The following OAF variants were observed in gnomAD, a reference collection of about 807,000 sequenced individuals.
OAF encodes the protein out at first protein homolog.
In OAF, 13 loss-of-function variants were observed where a neutral mutation model predicts 22.5. That is an observed-to-expected ratio of 0.58 (90% CI 0.38 to 0.92). The LOEUF (loss-of-function observed/expected upper bound fraction) is 0.92, where lower values mean the gene tolerates loss of function less well. Among genes scored for constraint, OAF ranks in the 40% least tolerant of loss-of-function variants. The pLI is 0.00. For synonymous variants in OAF, 175 were observed against 170.5 expected (o/e 1.03, Z -0.21); for missense variants, 347 against 381.8 (o/e 0.91, Z 0.76).
At chr11:120,217,769 C>T (rs996124477) in intron 1 of OAF, among the ~76,000 whole-genome samples, 1 of 152,204 alleles carries the variant, frequency 6.6e-6, no homozygotes, top group South Asian at 2.1e-4. Context: ...AGAGGCCCTT[C>T]GCAGAACAGA....
At chr11:120,216,448 G>C (rs552585371) in intron 1 of OAF, among the ~76,000 whole-genome samples, 10 of 152,318 alleles carry the variant, frequency 6.6e-5, no homozygotes, top group African/African-American at 2.4e-4. Flanking sequence ...TTCGGGAGAG[G>C]CCCAGACTTT....
At chr11:120,226,749 G>C in intron 2 of OAF, 67 bp from the exon 3 acceptor site, 1 of 1,443,578 alleles carries the variant, frequency 6.9e-7, no homozygotes, top group African/African-American at 1.4e-5. Flanking sequence ...TGACTCTGGA[G>C]GGTCAGGGGA....
At chr11:120,227,075 G>A in intron 3 of OAF, 79 bp downstream of exon 3, 1 of 984,440 alleles carries the variant, frequency 1.0e-6, no homozygotes, top group Non-Finnish European at 1.5e-6. Context: ...GTGGAGGAGG[G>A]CAGGGGCATC....
intron 1 of OAF, among the ~76,000 whole-genome samples, chr11:120,214,979 T>G (rs919867517): frequency 6.6e-6 from 1 of 152,218 alleles, no homozygotes; most frequent in Non-Finnish European, 1.5e-5. Context: ...CTTTGAAAAT[T>G]CCCACTGCCT....
At chr11:120,226,569 A>C (rs1420433517) in intron 2 of OAF, among the ~76,000 whole-genome samples, 1 of 152,244 alleles carries the variant, frequency 6.6e-6, no homozygotes, top group Non-Finnish European at 1.5e-5. Flanking sequence ...ATCAAGCCCC[A>C]GAGGTCAGCC....
In OAF at chr11:120,211,511, G is replaced by T. The variant is rs1053914319; in HGVS notation, c.231+1G>T. 2 of 1,449,368 alleles carry T rather than the reference G, an allele frequency of 1.4e-6. No homozygotes were observed. The highest frequency in any genetic ancestry group is 1.8e-6 in the Non-Finnish European group (2 of 1,092,584). 89.8% of individuals were successfully genotyped at this position (1,449,368 alleles called of 1,614,324 possible). A position where few individuals can be genotyped will look rare whatever the true frequency, so the allele number is the denominator to read the frequency against. On this transcript the variant is annotated splice_donor_variant, in intron 1 of 3. Transcript: ENST00000328965. LOFTEE classifies it high-confidence loss of function. ...CTCCTTCACCGCCGACTTCAAGAAG[G>T]TGAGGCGCCCTCACTCGCCGGGGTG...
intron 1 of OAF, among the ~76,000 whole-genome samples, chr11:120,212,468 A>T (rs1460668480): frequency 6.6e-6 from 1 of 151,976 alleles, no homozygotes; most frequent in Non-Finnish European, 1.5e-5. Context: ...AGGGTGGGTA[A>T]GTCTTAGGTA....
intron 1 of OAF, among the ~76,000 whole-genome samples, chr11:120,220,666 C>G (rs1396503525): frequency 1.3e-5 from 2 of 152,178 alleles, no homozygotes; most frequent in Non-Finnish European, 2.9e-5. Flanking sequence ...CGTTTGTGAG[C>G]TGTGCCCTGC....
intron 1 of OAF, among the ~76,000 whole-genome samples, chr11:120,223,210 AAGG>A (rs547782309): frequency 1.5e-3 from 225 of 152,310 alleles, no homozygotes; most frequent in South Asian, 0.012. Context: ...GCTGAGCATC[AAGG>A]AGATGAGACT....
At chr11:120,225,827 GTCCTGACCCGCAGCAGACCCGGCCCAGA>G (rs1205656238) in intron 2 of OAF, 32 bp downstream of exon 2, 1 of 1,577,178 alleles carries the variant, frequency 6.3e-7, no homozygotes, top group South Asian at 1.1e-5. Flanking sequence ...CCTGGCCCAG[GTCCTGACCCGCAGCAGACCCGGCCCAGA>G]TCCCATCCCG....
At chr11:120,214,126 C>T (rs1938183214) in intron 1 of OAF, among the ~76,000 whole-genome samples, 1 of 152,184 alleles carries the variant, frequency 6.6e-6, no homozygotes, top group African/African-American at 2.4e-5. Flanking sequence ...TTGGGAAGAG[C>T]CTTGTTTGCC....
rs568545687 is a variant in OAF, at chr11:120,220,660, T to C, written c.232-5001T>C. Among the ~76,000 whole-genome samples the C allele has an allele frequency of 1.7e-3, 264 of 152,196 alleles. 6 individuals are homozygous for C. In the South Asian group the frequency reaches 0.04, roughly 23 times the overall value. On this transcript the variant is annotated intron_variant, in intron 1 of 3. Transcript: ENST00000328965. Reference sequence around the variant, plus strand: ...GGAGGGCAGTCAGAGGAGGGTCGTTTGTGAGCTGTGCCCTGCACACAAGGC... The same window carrying C: ...GGAGGGCAGTCAGAGGAGGGTCGTTCGTGAGCTGTGCCCTGCACACAAGGC...
chr11:120,215,293 G>T (rs750023848), intron 1 of OAF, among the ~76,000 whole-genome samples: 1 of 152,244 alleles, frequency 6.6e-6, no homozygotes, highest in African/African-American at 2.4e-5. Flanking sequence ...AGCGGAGGTT[G>T]CAGTGAGCCT....
chr11:120,229,393 G>A lies in OAF; in HGVS notation c.*251G>A, dbSNP rs1310919313. ...CAGAGAGGGAGAGAAGGGCTCCCCA[G>A]ATCTACACCCCTCCCTCCTGCATCT... On this transcript the variant is annotated 3_prime_UTR_variant, in exon 4 of 4. Coordinates refer to ENST00000328965, the MANE Select transcript of OAF (RefSeq NM_178507.4). 4.0e-6 allele frequency: 2 copies of A among 501,446 alleles called. No individual in the cohort carries two copies. Among genetic ancestry groups the A allele is most frequent in the African/African-American group, 3.9e-5 (2 of 51,844 alleles). 31.1% of individuals were successfully genotyped at this position (501,446 alleles called of 1,614,324 possible).
chr11:120,219,468 G>T (rs1429827574), intron 1 of OAF, among the ~76,000 whole-genome samples: 1 of 152,178 alleles, frequency 6.6e-6, no homozygotes, highest in African/African-American at 2.4e-5. Flanking sequence ...GTCAGGGCTG[G>T]TGTGACAGCC....
In OAF at chr11:120,229,157, G is replaced by A. The variant is rs1254158962; in HGVS notation, c.*15G>A. On this transcript the variant is annotated 3_prime_UTR_variant, in exon 4 of 4. Coordinates refer to ENST00000328965, the MANE Select transcript of OAF (RefSeq NM_178507.4). ...ACCCAGGCTAGGGTGGGAGCAACCT[G>A]GCGGGTGGCTGCTCTGGGCCCACTG... is the stretch of plus-strand genomic sequence containing the variant. The A allele has an allele frequency of 6.2e-7, 1 of 1,603,702 alleles. No homozygotes were observed. The highest frequency in any genetic ancestry group is 1.1e-5 in the South Asian group (1 of 90,672).
In OAF at chr11:120,227,009, C is replaced by A. The variant is rs370438022; in HGVS notation, c.547+13C>A. 6.3e-6 allele frequency: 10 copies of A among 1,580,118 alleles called. No homozygotes were observed. Among genetic ancestry groups the A allele is most frequent in the African/African-American group, 1.3e-5 (1 of 74,542 alleles). On this transcript the variant is annotated intron_variant, in intron 3 of 3. Coordinates refer to ENST00000328965, the MANE Select transcript of OAF (RefSeq NM_178507.4). ...TGGCTGGAGCAAGGTCAGCTGGGAG[C>A]TGGGCACTGCCCGCTGCTGGGCGGA...
intron 1 of OAF, among the ~76,000 whole-genome samples, 188 bp downstream of exon 1, chr11:120,211,698 A>C (rs1305712366): frequency 6.6e-6 from 1 of 151,874 alleles, no homozygotes; most frequent in Non-Finnish European, 1.5e-5. Context: ...CTCTCCAAAG[A>C]ACCCCTCTGC....
In OAF at chr11:120,211,196, C is replaced by T; in HGVS notation, c.-84C>T. The T allele has an allele frequency of 1.1e-6, 1 of 923,066 alleles. No individual in the cohort carries two copies. Among genetic ancestry groups the T allele is most frequent in the Non-Finnish European group, 1.4e-6 (1 of 729,726 alleles). 57.2% of individuals were successfully genotyped at this position (923,066 alleles called of 1,614,324 possible). A position where few individuals can be genotyped will look rare whatever the true frequency, so the allele number is the denominator to read the frequency against. On this transcript the variant is annotated 5_prime_UTR_variant, in exon 1 of 4. Coordinates refer to ENST00000328965, the MANE Select transcript of OAF (RefSeq NM_178507.4). ...CGGCTCCCGGGCGCCCCGAACTAGC[C>T]CCCAACTTTGGGCGAAGTTTGCCTG... is the stretch of plus-strand genomic sequence containing the variant.
Sources: allele counts gnomAD v4.1 joint callset (sites outside exome capture counted in the v4.1 genomes callset), GRCh38; gene constraint gnomAD v4.1.1; transcripts MANE v1.5; gene names NCBI Gene and HGNC (gene_info 2026-07-23, HGNC 2026-07-21).